MLLT3: variants seen among roughly 807,000 people sequenced by gnomAD.
MLLT3 encodes the protein MLLT3 super elongation complex subunit.
Under a neutral mutation model 53.2 loss-of-function variants are expected in MLLT3, and 4 were observed. The observed-to-expected ratio is 0.08, with a 90% CI of 0.04 to 0.17. The LOEUF (loss-of-function observed/expected upper bound fraction) is 0.17. Ranked by LOEUF, MLLT3 falls within the 10% of genes least tolerant of loss-of-function variation. MLLT3 has a pLI of 1.00. For missense variants in MLLT3, 569 were observed against 684.0 expected (o/e 0.83, Z 1.87); for synonymous variants, 283 against 230.6 (o/e 1.23, Z -2.06).
rs765186482 is a variant in MLLT3 at position 20,354,845 on chromosome 9, T to A, written c.1466A>T (p.Lys489Ile). 1.9e-6 allele frequency: 3 copies of A among 1,613,018 alleles called. No homozygotes were observed. The highest frequency in any genetic ancestry group is 1.7e-5 in the Admixed American group (1 of 59,998). ...ACCATTCTTTATTTGCTTATCTGAT[T>A]TGCTTTGCTTTATTGGACTTTTCAC... ...LEVKSPIKQS[K>I]SDKQIKNGEC... The change falls in exon 9 of 11, where the codon AAA becomes ATA. Residue 489 changes from lysine (K) to isoleucine (I), a missense_variant. Physicochemically the swap from Lys to Ile is moderately radical, Grantham distance 102. This residue lies in a region of MLLT3 where 437 missense variants were observed against 376.5 expected (regional missense o/e 1.16). Coordinates refer to ENST00000380338, the MANE Select transcript of MLLT3 (RefSeq NM_004529.4).
chr9:20,452,667 A>G (rs1259491190), intron 3 of MLLT3, among the ~76,000 whole-genome samples: 1 of 152,208 alleles, frequency 6.6e-6, no homozygotes, highest in Non-Finnish European at 1.5e-5. Context: ...TAGACCTATT[A>G]AATTTTTACC....
chr9:20,575,927 A>G (rs1280031402), intron 2 of MLLT3, among the ~76,000 whole-genome samples: 1 of 152,234 alleles, frequency 6.6e-6, no homozygotes, highest in African/African-American at 2.4e-5. Flanking sequence ...CAAGTCAAGC[A>G]CTGACTTCTC....
In MLLT3 at chr9:20,499,763, A is replaced by G. The variant is rs201656991; in HGVS notation, c.194-42977T>C. On this transcript the variant is annotated intron_variant, in intron 2 of 10. Coordinates refer to ENST00000380338, the MANE Select transcript of MLLT3 (RefSeq NM_004529.4). The stretch of plus-strand genomic sequence containing the variant: ...TATGACTGTTTCTTTTAAGATCTCT[A>G]TTGTTCTGTCTCCAAATAGGGTGTA... Among the ~76,000 whole-genome samples the G allele has an allele frequency of 2.9e-4, 44 of 152,270 alleles. No homozygotes were observed. The South Asian group carries it at 4.4e-3, about 15-fold the overall frequency.
At chr9:20,467,388 G>C (rs1435889819) in intron 2 of MLLT3, among the ~76,000 whole-genome samples, 1 of 152,108 alleles carries the variant, frequency 6.6e-6, no homozygotes, top group African/African-American at 2.4e-5. Flanking sequence ...GAACATCCTG[G>C]CCAACATGGT....
chr9:20,387,895 A>G (rs557521663), intron 5 of MLLT3, among the ~76,000 whole-genome samples: 5 of 152,356 alleles, frequency 3.3e-5, no homozygotes, highest in African/African-American at 1.2e-4. Context: ...AGTTTTAAAT[A>G]TCTGGAAGTT....
At chr9:20,565,974 A>T (rs1319022412) in intron 2 of MLLT3, among the ~76,000 whole-genome samples, 1 of 116,488 alleles carries the variant, frequency 8.6e-6, no homozygotes, top group Non-Finnish European at 1.7e-5. Context: ...ATATTTATAT[A>T]TATATATATT....
rs139404320 is a variant in MLLT3 at position 20,405,635 on chromosome 9, G to A, written c.1125+8086C>T. Among the ~76,000 whole-genome samples the A allele has an allele frequency of 2.6e-4, 40 of 152,264 alleles. No homozygotes were observed. The East Asian group carries it at 6.6e-3, about 25-fold the overall frequency. On this transcript the variant is annotated intron_variant, in intron 5 of 10. Coordinates refer to ENST00000380338, the MANE Select transcript of MLLT3 (RefSeq NM_004529.4). ...TATAAAATAAAAGAGTCCCACACAG[G>A]TCTACCATGGAGGGAGTAGAGTTCA...
intron 5 of MLLT3, among the ~76,000 whole-genome samples, chr9:20,404,633 T>G (rs1171825639): frequency 6.6e-6 from 1 of 152,190 alleles, no homozygotes; most frequent in Admixed American, 6.5e-5. Flanking sequence ...GCGTCTCAAG[T>G]GGCTAGGAGT....
rs2118981811 is a variant in MLLT3 at position 20,522,486 on chromosome 9, C to T, written c.194-65700G>A. Reference sequence around the variant, plus strand: ...TTCTCTTAGATATAATCTCTTAGAACATATAATTATTGCCTGTCAATTTTT... The same window carrying T: ...TTCTCTTAGATATAATCTCTTAGAATATATAATTATTGCCTGTCAATTTTT... On this transcript the variant is annotated intron_variant, in intron 2 of 10. Coordinates refer to ENST00000380338, the MANE Select transcript of MLLT3 (RefSeq NM_004529.4). Among the ~76,000 whole-genome samples, 3 of 152,090 alleles carry T rather than the reference C, an allele frequency of 2.0e-5. No individual in the cohort carries two copies. In the South Asian group the frequency reaches 6.3e-4, roughly 32 times the overall value.
chr9:20,399,872 T>C (rs768911089), intron 5 of MLLT3, among the ~76,000 whole-genome samples: 5 of 152,164 alleles, frequency 3.3e-5, no homozygotes, highest in Admixed American at 1.3e-4. Flanking sequence ...TACTTTTCTA[T>C]ACAAACTACT....
chr9:20,589,148 C>T (rs1488577187), intron 2 of MLLT3, among the ~76,000 whole-genome samples: 158 of 148,928 alleles, frequency 1.1e-3, no homozygotes, highest in African/African-American at 3.6e-3. Context: ...ATGTTTATTG[C>T]GGCACTATTC....
chr9:20,466,147 G>A (rs1009925844), intron 2 of MLLT3, among the ~76,000 whole-genome samples: 1 of 151,786 alleles, frequency 6.6e-6, no homozygotes, highest in South Asian at 2.1e-4. Flanking sequence ...CTTGGGATCA[G>A]AGGTTGATTT....
At chr9:20,410,340 A>AT (rs890331176) in intron 5 of MLLT3, among the ~76,000 whole-genome samples, 1 of 151,958 alleles carries the variant, frequency 6.6e-6, no homozygotes, top group Non-Finnish European at 1.5e-5. Context: ...GCTAACTTAC[A>AT]TTTTTTTTAT....
chr9:20,468,878 G>A (rs979390503), intron 2 of MLLT3, among the ~76,000 whole-genome samples: 3 of 152,084 alleles, frequency 2.0e-5, no homozygotes, highest in African/African-American at 7.2e-5. Flanking sequence ...CTGTTAACAC[G>A]ATCAGGAAAC....
At chr9:20,563,338 A>C (rs1478203865) in intron 2 of MLLT3, among the ~76,000 whole-genome samples, 1 of 152,110 alleles carries the variant, frequency 6.6e-6, no homozygotes, top group East Asian at 1.9e-4. Context: ...TGAACTAAGA[A>C]TACCTTTTAT....
At position 20,454,908 on chromosome 9, in the gene MLLT3, T is replaced by G. The variant is rs80074146; in HGVS notation, c.276+1796A>C. Among the ~76,000 whole-genome samples, 8 of 152,006 alleles carry G rather than the reference T, an allele frequency of 5.3e-5. No homozygotes were observed. The South Asian group carries it at 1.7e-3, about 32-fold the overall frequency. Reference sequence around the variant, plus strand: ...AAAATACAAATGAACAACGAGCACATGAAAAGATGTTCAAACTCATAAATC... The same window carrying G: ...AAAATACAAATGAACAACGAGCACAGGAAAAGATGTTCAAACTCATAAATC... On this transcript the variant is annotated intron_variant, in intron 3 of 10. Transcript: ENST00000380338.
intron 4 of MLLT3, among the ~76,000 whole-genome samples, chr9:20,429,974 T>G (rs925075969): frequency 3.3e-5 from 5 of 152,184 alleles, no homozygotes; most frequent in Non-Finnish European, 7.4e-5. Context: ...TGTGTCATTA[T>G]TCACATTTAA....
At chr9:20,601,250 C>T (rs773568995) in intron 2 of MLLT3, among the ~76,000 whole-genome samples, 6 of 152,142 alleles carry the variant, frequency 3.9e-5, no homozygotes, top group East Asian at 3.8e-4. Context: ...ATAATTAAGG[C>T]GTTTTGTATT....
chr9:20,448,760 T>C lies in MLLT3; in HGVS notation c.277-494A>G, dbSNP rs542963829. On this transcript the variant is annotated intron_variant, in intron 3 of 10. Coordinates refer to ENST00000380338, the MANE Select transcript of MLLT3 (RefSeq NM_004529.4). This position sits in a 1 kb window ranked among gnomAD's most constrained non-coding sequence, Gnocchi z 4.0. ...AGGCCTTAAGATTATCTATATGAAA[T>C]AAAAATCTAGCCATTTTCACTTCCT... 6.6e-6 allele frequency among the ~76,000 whole-genome samples: 1 copy of C among 152,164 alleles called. No individual in the cohort carries two copies. Among genetic ancestry groups the C allele is most frequent in the Non-Finnish European group, 1.5e-5 (1 of 68,016 alleles).
Sources: gnomAD v4.1 joint callset for allele counts (sites outside exome capture counted in the v4.1 genomes callset) on GRCh38, gnomAD v4.1.1 for gene constraint, gnomAD v4.1.1 regional missense constraint, Gnocchi (gnomAD v3.1) non-coding constraint, MANE v1.5 for transcripts, NCBI Gene and HGNC (gene_info 2026-07-23, HGNC 2026-07-21) for gene names.